REV3L: variants seen among roughly 807,000 people sequenced by gnomAD.
The protein encoded by REV3L is REV3 like, DNA directed polymerase zeta catalytic subunit.
REV3L carries 69 observed loss-of-function variants against 299.4 expected under a neutral mutation model. The observed-to-expected ratio is 0.23, with a 90% CI of 0.19 to 0.28. The LOEUF is 0.28. Ranked by LOEUF, REV3L falls within the 10% of genes least tolerant of loss-of-function variation. The pLI is 1.00. For synonymous variants in REV3L, 1,238 were observed against 1,271.4 expected, an observed-to-expected ratio of 0.97 and a Z score of 0.56; for missense variants, 3,128 against 3,693.8, an observed-to-expected ratio of 0.85 and a Z score of 3.97.
rs375191676 is a variant in REV3L, at chr6:111,380,124, G to A, written c.1312C>T (p.Arg438Cys). 9.3e-6 allele frequency: 15 copies of A among 1,613,586 alleles called. No homozygotes were observed. The highest frequency in any genetic ancestry group is 1.6e-4 in the Middle Eastern group (1 of 6,082). The change falls in exon 11 of 32, where the codon CGC (arginine) becomes TGC (cysteine). Residue 438 changes from arginine to cysteine, a missense_variant. Around this residue, in one of 9 missense-constraint regions of REV3L, gnomAD observed 2,409 missense variants for 2,611.8 expected, o/e 0.92. Transcript: ENST00000368802. ...GERNRMPSPCRSFGNNKYPQN... is the reference protein window; with the variant it reads ...GERNRMPSPCCSFGNNKYPQN... ...GGATATTTATTATTTCCAAAGGAGC[G>A]ACATGGTGATGGCATCCTATTTCTT...
chr6:111,392,657 C>T, intron 5 of REV3L: 1 of 370,104 alleles, frequency 2.7e-6, no homozygotes, highest in African/African-American at 2.0e-5. Flanking sequence ...CCTTGTATTC[C>T]TTTTGTTAAT....
chr6:111,300,427 A>G (rs1050205123), intron 31 of REV3L, among the ~76,000 whole-genome samples: 4 of 152,256 alleles, frequency 2.6e-5, no homozygotes, highest in African/African-American at 7.2e-5. Context: ...ATGGAATCCT[A>G]TTAAAATCTA....
At chr6:111,354,865 T>C (rs929728095) in intron 18 of REV3L, among the ~76,000 whole-genome samples, 7 of 152,174 alleles carry the variant, frequency 4.6e-5, no homozygotes, top group African/African-American at 1.7e-4. Context: ...ACAGTTAGTA[T>C]TTTAAGTAAC....
At chr6:111,328,797 G>A (rs762263048) in intron 25 of REV3L, among the ~76,000 whole-genome samples, 7 of 152,036 alleles carry the variant, frequency 4.6e-5, no homozygotes, top group Non-Finnish European at 7.4e-5. Flanking sequence ...ACAGGGTCTC[G>A]TTCTGTTACC....
intron 5 of REV3L, among the ~76,000 whole-genome samples, chr6:111,390,613 G>T (rs1377084723): frequency 2.6e-5 from 4 of 152,114 alleles, no homozygotes; most frequent in African/African-American, 9.7e-5. Flanking sequence ...AAAAGGGAAG[G>T]TGAGCACACT....
At chr6:111,465,085 GTT>G (rs372736461) in intron 1 of REV3L, among the ~76,000 whole-genome samples, 4 of 130,002 alleles carry the variant, frequency 3.1e-5, no homozygotes, top group Non-Finnish European at 3.2e-5. Flanking sequence ...ATTTTTATTT[GTT>G]TTTTTTTTTT....
rs1209299238 is a variant in REV3L, at chr6:111,347,434, T to C, written c.7419+1784A>G. Among the ~76,000 whole-genome samples the C allele has an allele frequency of 2.0e-5, 3 of 151,938 alleles. No homozygotes were observed. The East Asian group carries it at 5.8e-4, about 29-fold the overall frequency. The stretch of plus-strand genomic sequence containing the variant: ...TTATTTTAAGAACAACACAACAAGA[T>C]AAAATCATTCTCAAGCAGAGTCATG... On this transcript the variant is annotated intron_variant, in intron 20 of 31. Transcript: ENST00000368802.
intron 26 of REV3L, among the ~76,000 whole-genome samples, chr6:111,318,245 G>A (rs1381824133): frequency 4.0e-5 from 6 of 151,834 alleles, no homozygotes; most frequent in South Asian, 2.1e-4. Context: ...CTACCACCAC[G>A]CCCGGCTAAT....
At chr6:111,302,696 G>A (rs1281568113) in intron 31 of REV3L, among the ~76,000 whole-genome samples, 3 of 152,178 alleles carry the variant, frequency 2.0e-5, no homozygotes, top group Non-Finnish European at 2.9e-5. Flanking sequence ...CCTGAGGTCA[G>A]GAGTTTGAGA....
intron 16 of REV3L, chr6:111,361,407 A>C (rs76802538): frequency 0.38 from 52,754 of 139,216 alleles, 12,607 homozygotes; most frequent in Non-Finnish European, 0.53. Context: ...AAAAACAAAA[A>C]ACACACACAC....
At chr6:111,463,922 T>C (rs1791100683) in intron 1 of REV3L, among the ~76,000 whole-genome samples, 1 of 152,128 alleles carries the variant, frequency 6.6e-6, no homozygotes. Context: ...GTTCATCTAC[T>C]CTAAAAACAA....
chr6:111,438,201 C>A (rs190060342), intron 1 of REV3L, among the ~76,000 whole-genome samples: 250 of 151,926 alleles, frequency 1.6e-3, no homozygotes, highest in Non-Finnish European at 2.7e-3. Flanking sequence ...TTAAACTTAT[C>A]TATACTCATT....
chr6:111,407,862 G>A (rs960226733), intron 3 of REV3L, among the ~76,000 whole-genome samples: 7 of 152,232 alleles, frequency 4.6e-5, no homozygotes, highest in Admixed American at 3.3e-4. Flanking sequence ...CATGAACCCC[G>A]GAGGATGAGG....
At chr6:111,309,528 G>A (rs780019967) in intron 30 of REV3L, 5 of 183,452 alleles carry the variant, frequency 2.7e-5, no homozygotes, top group Non-Finnish European at 4.5e-5. Flanking sequence ...CCAGCCGCTC[G>A]TGTGTCTGCC....
intron 1 of REV3L, among the ~76,000 whole-genome samples, chr6:111,427,505 C>T (rs146936977): frequency 1.4e-3 from 212 of 152,286 alleles, no homozygotes; most frequent in African/African-American, 4.7e-3. Flanking sequence ...AGTGCTGACA[C>T]GATCATGAGC....
chr6:111,430,680 C>A (rs138177764), intron 1 of REV3L: 427 of 1,524,510 alleles, frequency 2.8e-4, no homozygotes, highest in Non-Finnish European at 3.7e-4. Context: ...AAAGCACACG[C>A]CTTCAAGAGT....
At chr6:111,387,010 C>G (rs1213547018) in intron 9 of REV3L, among the ~76,000 whole-genome samples, 2 of 152,196 alleles carry the variant, frequency 1.3e-5, no homozygotes, top group African/African-American at 4.8e-5. Context: ...GCAGGAGCCA[C>G]TGCTCCTGGC....
At chr6:111,453,339 C>T (rs1476960645) in intron 1 of REV3L, among the ~76,000 whole-genome samples, 2 of 152,146 alleles carry the variant, frequency 1.3e-5, no homozygotes, top group Non-Finnish European at 2.9e-5. Context: ...ACTGGGTTTG[C>T]AATTATGCCA....
intron 1 of REV3L, among the ~76,000 whole-genome samples, chr6:111,426,679 A>G (rs1351365745): frequency 1.3e-5 from 2 of 152,256 alleles, no homozygotes; most frequent in Non-Finnish European, 2.9e-5. Flanking sequence ...GAAATGTTGT[A>G]TCCAAAGTTC....
Sources: gnomAD v4.1 joint callset for allele counts (sites outside exome capture counted in the v4.1 genomes callset) on GRCh38, gnomAD v4.1.1 for gene constraint, gnomAD v4.1.1 regional missense constraint, MANE v1.5 for transcripts, NCBI Gene and HGNC (gene_info 2026-07-23, HGNC 2026-07-21) for gene names.